The following ULK4 variants were observed in gnomAD, a reference collection of about 807,000 sequenced individuals.
ULK4 encodes inactive serine/threonine-protein kinase ULK4.
Under a neutral mutation model 160.6 loss-of-function variants are expected in ULK4, and 133 were observed. That is an observed-to-expected ratio of 0.83 (90% CI 0.72 to 0.96). The LOEUF is 0.96. Ranked by LOEUF, ULK4 falls within the 40% of genes least tolerant of loss-of-function variation. The pLI, the probability that ULK4 is intolerant of heterozygous loss-of-function variation, is 0.00. For synonymous variants in ULK4, 534 were observed against 539.8 expected, an observed-to-expected ratio of 0.99 and a Z score of 0.15; for missense variants, 1,580 against 1,499.5, an observed-to-expected ratio of 1.05 and a Z score of -0.89.
Position 41,262,921 on chromosome 3 carries a change from A to G in ULK4, c.3679-13347T>C, listed in dbSNP as rs2125678402. Among the ~76,000 whole-genome samples the G allele has an allele frequency of 2.6e-5, 4 of 152,200 alleles. No homozygotes were observed. In the South Asian group the frequency reaches 8.3e-4, roughly 32 times the overall value. ...CCAGTTCCAAAATAAGTGAGGACAC[A>G]GTTTTAATTGGCAAAAAATTATGAT... On this transcript the variant is annotated intron_variant, in intron 35 of 36. Coordinates refer to ENST00000301831, the MANE Select transcript of ULK4 (RefSeq NM_017886.4).
At chr3:41,810,016 TCA>T (rs2040770965) in intron 19 of ULK4, among the ~76,000 whole-genome samples, 1 of 152,244 alleles carries the variant, frequency 6.6e-6, no homozygotes, top group Non-Finnish European at 1.5e-5. Flanking sequence ...GAATTCTTGA[TCA>T]CATTCAGCTA....
At chr3:41,645,874 T>C (rs1472535819) in intron 30 of ULK4, among the ~76,000 whole-genome samples, 23 of 152,332 alleles carry the variant, frequency 1.5e-4, no homozygotes, top group African/African-American at 5.5e-4. Context: ...ATCTGGGTGC[T>C]CCTTTATTAG....
chr3:41,506,601 T>C (rs969974876), intron 32 of ULK4, among the ~76,000 whole-genome samples: 4 of 151,408 alleles, frequency 2.6e-5, no homozygotes, highest in African/African-American at 4.9e-5. Flanking sequence ...TTTCTACAAA[T>C]TTAACATCAA....
At chr3:41,828,865 T>A (rs891816189) in intron 18 of ULK4, among the ~76,000 whole-genome samples, 1 of 152,056 alleles carries the variant, frequency 6.6e-6, no homozygotes, top group African/African-American at 2.4e-5. Context: ...AGAACAAAGC[T>A]GGAGGCATCA....
chr3:41,781,942 AAAAC>A (rs2039854539), intron 21 of ULK4, among the ~76,000 whole-genome samples: 2 of 152,226 alleles, frequency 1.3e-5, no homozygotes, highest in Non-Finnish European at 2.9e-5. Flanking sequence ...TCCACCTAAA[AAAAC>A]AAACAAACAT....
chr3:41,746,270 C>CACAAAAAAAAAAA (rs2038415930), intron 22 of ULK4, among the ~76,000 whole-genome samples: 1 of 50,194 alleles, frequency 2.0e-5, no homozygotes, highest in African/African-American at 2.0e-4. Flanking sequence ...TCCTGGAACC[C>CACAAAAAAAAAAA]ACAAAAAAAA....
chr3:41,420,888 C>T (rs1253430240), intron 34 of ULK4, among the ~76,000 whole-genome samples: 2 of 149,804 alleles, frequency 1.3e-5, no homozygotes, highest in Admixed American at 6.7e-5. Context: ...CTGAGGCAGG[C>T]AAATCACTTG....
At chr3:41,735,224 AGAG>A (rs781687612) in intron 22 of ULK4, among the ~76,000 whole-genome samples, 6 of 152,218 alleles carry the variant, frequency 3.9e-5, no homozygotes, top group African/African-American at 1.2e-4. Flanking sequence ...GTACAGGTGA[AGAG>A]GAGAAACAGA....
chr3:41,593,671 T>C (rs1303679556), intron 31 of ULK4, among the ~76,000 whole-genome samples: 1 of 152,220 alleles, frequency 6.6e-6, no homozygotes, highest in African/African-American at 2.4e-5. Context: ...CATTTTCTTC[T>C]TCAGGCTTTT....
chr3:41,559,585 G>T (rs1007672321), intron 32 of ULK4, among the ~76,000 whole-genome samples: 6 of 151,694 alleles, frequency 4.0e-5, no homozygotes, highest in Non-Finnish European at 8.8e-5. Flanking sequence ...GTGTGAGATG[G>T]TATCTCATTG....
chr3:41,876,765 ACATAT>A (rs1246016717), intron 17 of ULK4, among the ~76,000 whole-genome samples: 7 of 152,242 alleles, frequency 4.6e-5, no homozygotes, highest in African/African-American at 1.7e-4. Flanking sequence ...ACCAAAGTAT[ACATAT>A]CATATGACTC....
chr3:41,841,308 C>T (rs1313080320), intron 17 of ULK4, among the ~76,000 whole-genome samples: 2 of 147,148 alleles, frequency 1.4e-5, no homozygotes, highest in Non-Finnish European at 3.0e-5. Context: ...CTCTGCCCGG[C>T]CGCCCCGTCT....
At position 41,912,790 on chromosome 3, in the gene ULK4, AG is replaced by A. The variant is rs1201745892; in HGVS notation, c.896+16del. The A allele has an allele frequency of 1.2e-6, 2 of 1,609,926 alleles. No individual in the cohort carries two copies. The highest frequency in any genetic ancestry group is 2.2e-5 in the East Asian group (1 of 44,828). ...TCCAGTAACTATGTCCCATACACAA[AG>A]GTAAGTGTATACTACCTGAGACTGA... On this transcript the variant is annotated intron_variant, in intron 9 of 36. Coordinates refer to ENST00000301831, the MANE Select transcript of ULK4 (RefSeq NM_017886.4).
At chr3:41,805,762 T>G (rs1233314985) in intron 19 of ULK4, among the ~76,000 whole-genome samples, 1 of 150,050 alleles carries the variant, frequency 6.7e-6, no homozygotes, top group Non-Finnish European at 1.5e-5. Flanking sequence ...TTGTCTTTGG[T>G]TCTGTTTATA....
intron 21 of ULK4, among the ~76,000 whole-genome samples, chr3:41,755,048 G>A (rs1199759794): frequency 1.3e-5 from 2 of 152,268 alleles, no homozygotes. Flanking sequence ...TATTGACAAG[G>A]AATAGTGCTA....
At chr3:41,956,343 T>C (rs1192067116) in intron 1 of ULK4, among the ~76,000 whole-genome samples, 2 of 152,118 alleles carry the variant, frequency 1.3e-5, no homozygotes, top group Non-Finnish European at 2.9e-5. Flanking sequence ...TTGGACCGGG[T>C]ATCTGTATCC....
intron 21 of ULK4, among the ~76,000 whole-genome samples, chr3:41,762,978 T>G (rs1171683586): frequency 6.6e-6 from 1 of 152,102 alleles, no homozygotes; most frequent in Non-Finnish European, 1.5e-5. Flanking sequence ...TGCCGCACTT[T>G]AAAACCATCA....
In ULK4 at chr3:41,487,699, A is replaced by T. The variant is rs552246966; in HGVS notation, c.3227-24446T>A. Among the ~76,000 whole-genome samples the T allele has an allele frequency of 2.0e-5, 3 of 152,318 alleles. No homozygotes were observed. In the East Asian group the frequency reaches 5.8e-4, roughly 29 times the overall value. On this transcript the variant is annotated intron_variant, in intron 32 of 36. Coordinates refer to ENST00000301831, the MANE Select transcript of ULK4 (RefSeq NM_017886.4). ...CATAAAAACAAATCCCAGCCAGAAT[A>T]AGGCTCTAAATATAAAAACAATCTC...
At chr3:41,607,484 C>T (rs569910138) in intron 31 of ULK4, among the ~76,000 whole-genome samples, 3 of 152,214 alleles carry the variant, frequency 2.0e-5, no homozygotes, top group African/African-American at 7.2e-5. Context: ...TTCAATTGTG[C>T]TAAGGGTGTG....
Sources: gnomAD v4.1 joint callset for allele counts (sites outside exome capture counted in the v4.1 genomes callset) on GRCh38, gnomAD v4.1.1 for gene constraint, MANE v1.5 for transcripts, NCBI Gene and HGNC (gene_info 2026-07-23, HGNC 2026-07-21) for gene names.